PPP2R1A: variants seen among roughly 807,000 people sequenced by gnomAD.
PPP2R1A encodes protein phosphatase 2 scaffold subunit Aalpha, also known as serine/threonine-protein phosphatase 2A 65 kDa regulatory subunit A alpha isoform.
Under a neutral mutation model 67.1 loss-of-function variants are expected in PPP2R1A, and 15 were observed. The observed-to-expected ratio is 0.22, with a 90% CI of 0.15 to 0.34. The LOEUF (loss-of-function observed/expected upper bound fraction) is 0.34, where lower values mean the gene tolerates loss of function less well. Among genes scored for constraint, PPP2R1A ranks in the 10% least tolerant of loss-of-function variants. The probability of loss-of-function intolerance (pLI) is 1.00; values close to 1 mark genes in which losing one functional copy is unlikely to be tolerated. For missense variants in PPP2R1A, 369 were observed against 775.0 expected (o/e 0.48, Z 6.22); for synonymous variants, 337 against 325.0 (o/e 1.04, Z -0.40).
At chr19:52,198,611 C>G (rs1016649919) in intron 1 of PPP2R1A, among the ~76,000 whole-genome samples, 1 of 152,162 alleles carries the variant, frequency 6.6e-6, no homozygotes, top group Non-Finnish European at 1.5e-5. Context: ...CCTGGGGATG[C>G]CACCCTCCAA....
chr19:52,190,127 T>G lies in PPP2R1A; in HGVS notation c.31T>G (p.Tyr11Asp), dbSNP rs2122267702. Residue 11 changes from tyrosine (Y) to aspartate (D), a missense_variant, in exon 1 of 15, where the codon TAC (tyrosine) becomes GAC (aspartate). Transcript: ENST00000322088. ...GGCGGCCGACGGCGACGACTCGCTG[T>G]ACCCCATCGCGGTGCTCATAGACGA... MAAADGDDSL[Y>D]PIAVLIDELR... 6.4e-7 allele frequency: 1 copy of G among 1,550,410 alleles called. No individual in the cohort carries two copies. Among genetic ancestry groups the G allele is most frequent in the Non-Finnish European group, 8.7e-7 (1 of 1,146,598 alleles).
chr19:52,225,629 ACT>A (rs1458723403), intron 13 of PPP2R1A, 86 bp from the exon 14 acceptor site: 2 of 1,205,404 alleles, frequency 1.7e-6, no homozygotes, highest in African/African-American at 1.5e-5. Context: ...GTCTGTGTAC[ACT>A]CTCTTGCCCA....
chr19:52,222,934 C>T (rs1979030233), intron 13 of PPP2R1A, among the ~76,000 whole-genome samples: 1 of 152,198 alleles, frequency 6.6e-6, no homozygotes, highest in Non-Finnish European at 1.5e-5. Flanking sequence ...CTGAACTCAT[C>T]TTTAGATTCA....
Position 52,222,132 on chromosome 19 carries a change from A to C in PPP2R1A, c.1552A>C (p.Thr518Pro). ...LSEVCGQDITTKHMLPTVLRM... is the reference protein window; with the variant it reads ...LSEVCGQDITPKHMLPTVLRM... The stretch of plus-strand genomic sequence containing the variant: ...TGAGGTCTGTGGGCAGGACATCACC[A>C]CCAAGCACATGCTACCCACGGTTCT... The change falls in exon 13 of 15, where the codon ACC becomes CCC. Residue 518 changes from threonine to proline, a missense_variant. Physicochemically the swap from Thr to Pro is conservative, Grantham distance 38. Coordinates refer to ENST00000322088, the MANE Select transcript of PPP2R1A (RefSeq NM_014225.6). 6.2e-7 allele frequency: 1 copy of C among 1,613,832 alleles called. No homozygotes were observed. Among genetic ancestry groups the C allele is most frequent in the Non-Finnish European group, 8.5e-7 (1 of 1,179,910 alleles).
intron 1 of PPP2R1A, among the ~76,000 whole-genome samples, chr19:52,190,798 C>T (rs921970621): frequency 1.3e-5 from 2 of 152,210 alleles, no homozygotes; most frequent in African/African-American, 4.8e-5. Flanking sequence ...CTCCCCATCT[C>T]CCCGGATCCT....
chr19:52,215,356 C>T (rs903748006), intron 6 of PPP2R1A, among the ~76,000 whole-genome samples: 1 of 152,124 alleles, frequency 6.6e-6, no homozygotes, highest in Admixed American at 6.5e-5. Context: ...TCGCACTTGG[C>T]CTATTGTTTT....
Position 52,216,124 on chromosome 19 carries a change from A to T in PPP2R1A, c.993+50A>T. On this transcript the variant is annotated intron_variant, in intron 8 of 14. Transcript: ENST00000322088. The surrounding 1 kb of genome is among the most constrained non-coding windows in gnomAD (Gnocchi z 4.3). The stretch of plus-strand genomic sequence containing the variant: ...ACCAAGTGGATCCGAGCCTGCCAAA[A>T]AGAGGGGCTGGAGACAAGGCTTTGG... 6.4e-7 allele frequency: 1 copy of T among 1,567,336 alleles called. No individual in the cohort carries two copies. Among genetic ancestry groups the T allele is most frequent in the Non-Finnish European group, 8.8e-7 (1 of 1,137,810 alleles).
chr19:52,221,872 G>C, intron 12 of PPP2R1A: 1 of 474,318 alleles, frequency 2.1e-6, no homozygotes, highest in Non-Finnish European at 3.7e-6. Context: ...TGGTAATTAA[G>C]GTCGATCTCC....
intron 2 of PPP2R1A, among the ~76,000 whole-genome samples, chr19:52,205,121 C>T (rs867859346): frequency 1.3e-5 from 2 of 152,302 alleles, no homozygotes; most frequent in Middle Eastern, 3.4e-3. Flanking sequence ...CTGGGAAATG[C>T]AGTCGGCTGC....
rs1029091466 is a variant in PPP2R1A at position 52,219,040 on chromosome 19, A to C, written c.1129-651A>C. ...TAAACTTGTCTAAATGAAAAAGGCT[A>C]CCTTTTTACTGGTGCACCAAAAATA... is the stretch of plus-strand genomic sequence containing the variant. On this transcript the variant is annotated intron_variant, in intron 9 of 14. Coordinates refer to ENST00000322088, the MANE Select transcript of PPP2R1A (RefSeq NM_014225.6). The surrounding 1 kb of genome is among the most constrained non-coding windows in gnomAD (Gnocchi z 4.0). Among the ~76,000 whole-genome samples the C allele has an allele frequency of 6.6e-6, 1 of 152,248 alleles. No individual in the cohort carries two copies. Among genetic ancestry groups the C allele is most frequent in the Non-Finnish European group, 1.5e-5 (1 of 68,040 alleles).
In PPP2R1A at chr19:52,228,593, G is replaced by T. The variant is rs192707866; in HGVS notation, c.*2612G>T. Reference sequence around the variant, plus strand: ...ACACCTGGCCTTCTCTGTAGCAGCTGAAGTTTGATGCTGGAGCTGGGTCAG... The same window carrying T: ...ACACCTGGCCTTCTCTGTAGCAGCTTAAGTTTGATGCTGGAGCTGGGTCAG... On this transcript the variant is annotated 3_prime_UTR_variant, in exon 15 of 15. Transcript: ENST00000322088. 6.6e-6 allele frequency: 1 copy of T among 152,254 alleles called. No homozygotes were observed. The highest frequency in any genetic ancestry group is 1.5e-5 in the Non-Finnish European group (1 of 68,102). The allele number at this position is 152,254 out of a possible 1,614,324, so 9.4% of individuals were successfully genotyped here.
At chr19:52,221,966 C>G (rs1310367468) in intron 12 of PPP2R1A, 133 bp from the exon 13 acceptor site, 5 of 863,506 alleles carry the variant, frequency 5.8e-6, no homozygotes, top group African/African-American at 3.5e-5. Flanking sequence ...ATTCACTCCA[C>G]TAACTGAGTC....
intron 6 of PPP2R1A, among the ~76,000 whole-genome samples, chr19:52,214,260 G>A (rs12462551): frequency 2.0e-5 from 3 of 151,882 alleles, no homozygotes; most frequent in Non-Finnish European, 4.4e-5. Flanking sequence ...GGGTGGGATC[G>A]GAGAGAGGGC....
chr19:52,203,780 G>A (rs1057031690), intron 2 of PPP2R1A, among the ~76,000 whole-genome samples: 2 of 152,284 alleles, frequency 1.3e-5, no homozygotes, highest in Non-Finnish European at 2.9e-5. Flanking sequence ...ACCACCAGTC[G>A]CTGGTCCTGT....
chr19:52,223,340 C>T (rs1024186492), intron 13 of PPP2R1A, among the ~76,000 whole-genome samples: 3 of 152,104 alleles, frequency 2.0e-5, no homozygotes, highest in Non-Finnish European at 4.4e-5. Context: ...CTTGAGTTAG[C>T]GTAGGCACAG....
intron 1 of PPP2R1A, among the ~76,000 whole-genome samples, chr19:52,195,357 A>G (rs1382136141): frequency 6.6e-6 from 1 of 152,204 alleles, no homozygotes; most frequent in Non-Finnish European, 1.5e-5. Context: ...TAACACAACA[A>G]TCAACAACAC....
chr19:52,197,608 A>G (rs906738110), intron 1 of PPP2R1A, among the ~76,000 whole-genome samples: 2 of 152,104 alleles, frequency 1.3e-5, no homozygotes, highest in African/African-American at 4.8e-5. Flanking sequence ...CCGGGAGGTC[A>G]AGGCTACAGT....
intron 12 of PPP2R1A, 45 bp from the exon 13 acceptor site, chr19:52,222,054 G>C: frequency 1.3e-6 from 2 of 1,543,426 alleles, no homozygotes; most frequent in Non-Finnish European, 1.8e-6. Context: ...ATGAGAGTTA[G>C]CCAGGAGCTT....
At chr19:52,193,595 A>AT (rs1387123821) in intron 1 of PPP2R1A, among the ~76,000 whole-genome samples, 3 of 151,608 alleles carry the variant, frequency 2.0e-5, no homozygotes, top group South Asian at 2.1e-4. Flanking sequence ...ATTTTATTTT[A>AT]TTTTTTTTGA....
Sources: gnomAD v4.1 joint callset for allele counts (sites outside exome capture counted in the v4.1 genomes callset) on GRCh38, gnomAD v4.1.1 for gene constraint, Gnocchi (gnomAD v3.1) non-coding constraint, MANE v1.5 for transcripts, NCBI Gene and HGNC (gene_info 2026-07-23, HGNC 2026-07-21) for gene names.